KCNQ1: variants seen among roughly 807,000 people sequenced by gnomAD.
KCNQ1 encodes potassium voltage-gated channel subfamily KQT member 1.
KCNQ1 carries 49 observed loss-of-function variants against 72.4 expected under a neutral mutation model. That is an observed-to-expected ratio of 0.68 (90% CI 0.54 to 0.86). The LOEUF is 0.86. KCNQ1 is among the 40% of genes least tolerant of loss of function. The probability of loss-of-function intolerance (pLI) is 0.00; values close to 1 mark genes in which losing one functional copy is unlikely to be tolerated. For synonymous variants in KCNQ1, 450 were observed against 412.6 expected (o/e 1.09, Z -1.10); for missense variants, 790 against 945.1 (o/e 0.84, Z 2.15).
At chr11:2,821,872 C>G (rs1847744678) in intron 15 of KCNQ1, among the ~76,000 whole-genome samples, 1 of 152,162 alleles carries the variant, frequency 6.6e-6, no homozygotes, top group Non-Finnish European at 1.5e-5. Context: ...GCTCTGTAGT[C>G]GTGTCATGGC....
At position 2,623,756 on chromosome 11, in the gene KCNQ1, A is replaced by G. The variant is rs570914194; in HGVS notation, c.1393+34902A>G. 1.3e-5 allele frequency: 5 copies of G among 398,602 alleles called. No individual in the cohort carries two copies. The South Asian group carries it at 6.4e-4, about 51-fold the overall frequency. The allele number at this position is 398,602 out of a possible 1,614,324, so 24.7% of individuals were successfully genotyped here. A position where few individuals can be genotyped will look rare whatever the true frequency, so the allele number is the denominator to read the frequency against. ...TCTCTGTGCAGATTTTTATGTGAAT[A>G]TAAGTCTTCACCTCCTTTGAGTAAA... is the stretch of plus-strand genomic sequence containing the variant. On this transcript the variant is annotated intron_variant, in intron 10 of 15. Transcript: ENST00000155840. This position sits in a 1 kb window ranked among gnomAD's most constrained non-coding sequence, Gnocchi z 5.2.
Position 2,658,759 on chromosome 11 carries a change from G to C in KCNQ1, c.1394-3202G>C. 2.5e-6 allele frequency: 1 copy of C among 398,398 alleles called. No homozygotes were observed. 24.7% of individuals were successfully genotyped at this position (398,398 alleles called of 1,614,324 possible). ...TGTATCTATATAAAGCTAACCATGA[G>C]TTCATACTGACATTTCTGACCAGAG... On this transcript the variant is annotated intron_variant, in intron 10 of 15. Coordinates refer to ENST00000155840, the MANE Select transcript of KCNQ1 (RefSeq NM_000218.3). The surrounding 1 kb of genome is among the most constrained non-coding windows in gnomAD (Gnocchi z 4.9).
rs2133835689 is a variant in KCNQ1 at position 2,645,699 on chromosome 11, A to G, written c.1394-16262A>G. On this transcript the variant is annotated intron_variant, in intron 10 of 15. Transcript: ENST00000155840. This position sits in a 1 kb window ranked among gnomAD's most constrained non-coding sequence, Gnocchi z 5.8. ...GCTCATGCTTTGGCCTGGAGGGAGCAGTCAGGAGTGGCAACCAGCTTTGTG... is the reference window on the plus strand; with the variant it reads ...GCTCATGCTTTGGCCTGGAGGGAGCGGTCAGGAGTGGCAACCAGCTTTGTG... The G allele has an allele frequency of 2.5e-6, 1 of 398,832 alleles. No individual in the cohort carries two copies. The highest frequency in any genetic ancestry group is 3.6e-5 in the East Asian group (1 of 28,072). 24.7% of individuals were successfully genotyped at this position (398,832 alleles called of 1,614,324 possible). A position where few individuals can be genotyped will look rare whatever the true frequency, so the allele number is the denominator to read the frequency against.
At position 2,492,881 on chromosome 11, in the gene KCNQ1, G is replaced by A. The variant is rs1846858030; in HGVS notation, c.387-35047G>A. ...TGGGTATATACCCAGTAATGGGATT[G>A]CTGGGTCAAATGGTATTTCTAGTTC... On this transcript the variant is annotated intron_variant, in intron 1 of 15. Transcript: ENST00000155840. This position sits in a 1 kb window ranked among gnomAD's most constrained non-coding sequence, Gnocchi z 4.1. Among the ~76,000 whole-genome samples, 4 of 152,164 alleles carry A rather than the reference G, an allele frequency of 2.6e-5. No homozygotes were observed. Among genetic ancestry groups the A allele is most frequent in the Non-Finnish European group, 4.4e-5 (3 of 68,030 alleles).
intron 1 of KCNQ1, among the ~76,000 whole-genome samples, chr11:2,456,660 G>T (rs892745374): frequency 1.3e-5 from 2 of 150,138 alleles, no homozygotes; most frequent in African/African-American, 2.5e-5. Flanking sequence ...GGTGGCTCAC[G>T]CCTGTAATCC....
At position 2,579,467 on chromosome 11, in the gene KCNQ1, C is replaced by G. The variant is rs1848467899; in HGVS notation, c.922-3968C>G. 6.6e-6 allele frequency among the ~76,000 whole-genome samples: 1 copy of G among 152,214 alleles called. No homozygotes were observed. Among genetic ancestry groups the G allele is most frequent in the South Asian group, 2.1e-4 (1 of 4,836 alleles). Reference sequence around the variant, plus strand: ...CCCAGGAGACAGACATGTGGATCTGCATTCCAGGTGGTGGGCCATCAGGGA... The same window carrying G: ...CCCAGGAGACAGACATGTGGATCTGGATTCCAGGTGGTGGGCCATCAGGGA... On this transcript the variant is annotated intron_variant, in intron 6 of 15. Transcript: ENST00000155840. The surrounding 1 kb of genome is among the most constrained non-coding windows in gnomAD (Gnocchi z 6.0).
chr11:2,628,605 G>A (rs1164347823), intron 10 of KCNQ1: 1 of 398,188 alleles, frequency 2.5e-6, no homozygotes, highest in Admixed American at 4.4e-5. Flanking sequence ...TTTTCATTTT[G>A]TTGTTTCCTT....
intron 11 of KCNQ1, among the ~76,000 whole-genome samples, chr11:2,714,654 G>C (rs548215058): frequency 6.6e-6 from 1 of 152,150 alleles, no homozygotes; most frequent in Non-Finnish European, 1.5e-5. Context: ...GCCAGGTGGC[G>C]GACATAGCAC....
intron 10 of KCNQ1, chr11:2,616,981 TA>T (rs1849076818): frequency 2.5e-6 from 1 of 397,876 alleles, no homozygotes; most frequent in Admixed American, 4.4e-5. Flanking sequence ...TTTTTAATTT[TA>T]AAAATATGCA....
chr11:2,840,834 G>A (rs916950478), intron 15 of KCNQ1, among the ~76,000 whole-genome samples: 1 of 152,196 alleles, frequency 6.6e-6, no homozygotes, highest in Non-Finnish European at 1.5e-5. Context: ...CCCTGGGAGG[G>A]AGTGGGCTTG....
At chr11:2,755,605 C>A (rs1279102611) in intron 11 of KCNQ1, among the ~76,000 whole-genome samples, 1 of 152,206 alleles carries the variant, frequency 6.6e-6, no homozygotes, top group African/African-American at 2.4e-5. Flanking sequence ...CCCACCTGGA[C>A]AATTCAATAT....
At chr11:2,656,860 T>C (rs1849859095) in intron 10 of KCNQ1, 1 of 398,532 alleles carries the variant, frequency 2.5e-6, no homozygotes, top group African/African-American at 2.1e-5. Context: ...TAGTTAGGTC[T>C]TCAATCCCCT....
chr11:2,459,195 G>C (rs561674591), intron 1 of KCNQ1, among the ~76,000 whole-genome samples: 1 of 152,234 alleles, frequency 6.6e-6, no homozygotes, highest in East Asian at 1.9e-4. Context: ...CTTGGGACGC[G>C]GTGGTGGGGA....
Position 2,847,936 on chromosome 11 carries a change from C to T in KCNQ1, c.1964C>T (p.Pro655Leu), listed in dbSNP as rs778713114. The T allele has an allele frequency of 6.4e-7, 1 of 1,573,770 alleles. No individual in the cohort carries two copies. The highest frequency in any genetic ancestry group is 8.6e-7 in the Non-Finnish European group (1 of 1,159,064). Reference sequence around the variant, plus strand: ...TCCGTCGACCCTGAGCTCTTCCTGCCCAGCAACACCCTGCCCACCTACGAG... The same window carrying T: ...TCCGTCGACCCTGAGCTCTTCCTGCTCAGCAACACCCTGCCCACCTACGAG... ...GGSVDPELFL[P>L]SNTLPTYEQL... Residue 655 changes from proline (P) to leucine (L), a missense_variant, in exon 16 of 16, where the codon CCC becomes CTC. This residue lies in a region of KCNQ1 where 94 missense variants were observed against 85.2 expected (regional missense o/e 1.10). Transcript: ENST00000155840.
intron 15 of KCNQ1, among the ~76,000 whole-genome samples, chr11:2,799,115 C>T (rs1278046023): frequency 6.6e-6 from 1 of 152,164 alleles, no homozygotes; most frequent in Non-Finnish European, 1.5e-5. Context: ...TGGCGAGGGG[C>T]AAAGCAAAGG....
intron 11 of KCNQ1, among the ~76,000 whole-genome samples, chr11:2,701,467 T>C (rs901378820): frequency 6.6e-6 from 1 of 152,178 alleles, no homozygotes; most frequent in Middle Eastern, 3.2e-3. Flanking sequence ...TGGGAAGTTT[T>C]TGTCATCTGC....
chr11:2,749,997 G>T (rs1259566016), intron 11 of KCNQ1, among the ~76,000 whole-genome samples: 2 of 152,060 alleles, frequency 1.3e-5, no homozygotes, highest in South Asian at 2.1e-4. Flanking sequence ...GGCTCTACAC[G>T]GCGCCCTGAG....
rs539965145 is a variant in KCNQ1, at chr11:2,693,137, G to C, written c.1514+31056G>C. The C allele has an allele frequency of 1.8e-5, 7 of 398,652 alleles. No homozygotes were observed. In the South Asian group the frequency reaches 7.6e-4, roughly 43 times the overall value. 24.7% of individuals were successfully genotyped at this position (398,652 alleles called of 1,614,324 possible). A position where few individuals can be genotyped will look rare whatever the true frequency, so the allele number is the denominator to read the frequency against. On this transcript the variant is annotated intron_variant, in intron 11 of 15. Coordinates refer to ENST00000155840, the MANE Select transcript of KCNQ1 (RefSeq NM_000218.3). ...CAAGACTACTTTCTGTCAATCACCA[G>C]ATAGCCCTCAGTCTACACTCTGTGA...
rs1850220172 is a variant in KCNQ1 at position 2,673,297 on chromosome 11, G to A, written c.1514+11216G>A. On this transcript the variant is annotated intron_variant, in intron 11 of 15. Transcript: ENST00000155840. This position sits in a 1 kb window ranked among gnomAD's most constrained non-coding sequence, Gnocchi z 4.5. ...CCTTCTCCCCTAGAAGAAATCTTGA[G>A]AGAAACAATCCCACAGGCTACCAGG... The A allele has an allele frequency of 7.5e-6, 3 of 398,650 alleles. No individual in the cohort carries two copies. Among genetic ancestry groups the A allele is most frequent in the Admixed American group, 4.4e-5 (1 of 22,720 alleles). The allele number at this position is 398,650 out of a possible 1,614,324, so 24.7% of individuals were successfully genotyped here.
Sources: gnomAD v4.1 joint callset for allele counts (sites outside exome capture counted in the v4.1 genomes callset) on GRCh38, gnomAD v4.1.1 for gene constraint, gnomAD v4.1.1 regional missense constraint, Gnocchi (gnomAD v3.1) non-coding constraint, MANE v1.5 for transcripts, NCBI Gene and HGNC (gene_info 2026-07-23, HGNC 2026-07-21) for gene names.